Variants in ACSS1 observed in about 807,000 individuals in gnomAD.
ACSS1 encodes acetyl-coenzyme A synthetase 2-like, mitochondrial.
A neutral mutation model predicts 75.3 loss-of-function variants in ACSS1; 42 were observed. The ratio of observed to expected loss-of-function variants is 0.56; its 90% confidence interval spans 0.44 to 0.72. The LOEUF (loss-of-function observed/expected upper bound fraction) is 0.72, where lower values mean the gene tolerates loss of function less well. Ranked by LOEUF, ACSS1 falls within the 30% of genes least tolerant of loss-of-function variation. The probability of loss-of-function intolerance (pLI) is 0.00; values close to 1 mark genes in which losing one functional copy is unlikely to be tolerated. For missense variants in ACSS1, 782 were observed against 935.7 expected, an observed-to-expected ratio of 0.84 and a Z score of 2.14; for synonymous variants, 380 against 376.8, an observed-to-expected ratio of 1.01 and a Z score of -0.10.
intron 8 of ACSS1, among the ~76,000 whole-genome samples, chr20:25,014,617 G>A (rs997676117): frequency 6.6e-6 from 1 of 152,152 alleles, no homozygotes; most frequent in African/African-American, 2.4e-5. Context: ...ATCTATGGTG[G>A]TCTCTCGCCC....
rs1010248669 is a variant in ACSS1 at position 25,019,914 on chromosome 20, C to T, written c.1246+96G>A. On this transcript the variant is annotated intron_variant, in intron 7 of 13. Coordinates refer to ENST00000323482, the MANE Select transcript of ACSS1 (RefSeq NM_032501.4). ...TTGCGTGAATTCACACATACAAAGC[C>T]GGGCAGCTTCATGACTGAAGTCCTG... The T allele has an allele frequency of 2.2e-5, 34 of 1,549,378 alleles. 1 individual carries two copies. The highest frequency in any genetic ancestry group is 1.5e-4 in the African/African-American group (11 of 73,648).
chr20:25,020,623 C>T (rs1355533203), intron 6 of ACSS1, among the ~76,000 whole-genome samples: 1 of 152,256 alleles, frequency 6.6e-6, no homozygotes, highest in African/African-American at 2.4e-5. Flanking sequence ...CCCACACCAT[C>T]CCCTCCACAT....
In ACSS1 at chr20:25,013,680, G is replaced by T. The variant is rs559882451; in HGVS notation, c.1453-18C>A. On this transcript the variant is annotated intron_variant, in intron 9 of 13. Transcript: ENST00000323482. ...ACGCTGCCCTGTAGACCCCGGACATGCAAGTGAGACAGGGCAGGCTCTGGG... is the reference window on the plus strand; with the variant it reads ...ACGCTGCCCTGTAGACCCCGGACATTCAAGTGAGACAGGGCAGGCTCTGGG... The T allele has an allele frequency of 1.9e-6, 3 of 1,583,422 alleles. No individual in the cohort carries two copies. The highest frequency in any genetic ancestry group is 2.7e-5 in the African/African-American group (2 of 74,402).
chr20:25,014,530 G>A (rs2088481646), intron 8 of ACSS1, among the ~76,000 whole-genome samples: 1 of 152,166 alleles, frequency 6.6e-6, no homozygotes. Flanking sequence ...AGGTTTTCCT[G>A]AATGGATGGG....
chr20:25,006,724 G>T lies in ACSS1; in HGVS notation c.*1038C>A. The T allele has an allele frequency of 8.1e-7, 1 of 1,228,938 alleles. No individual in the cohort carries two copies. The highest frequency in any genetic ancestry group is 1.1e-6 in the Non-Finnish European group (1 of 900,584). 76.1% of individuals were successfully genotyped at this position (1,228,938 alleles called of 1,614,324 possible). ...TTCCATTATCTTGCTAATGTTGACA[G>T]CACCTAAGTCACATTAAAACAAAGA... On this transcript the variant is annotated 3_prime_UTR_variant, in exon 14 of 14. Coordinates refer to ENST00000323482, the MANE Select transcript of ACSS1 (RefSeq NM_032501.4).
intron 3 of ACSS1, among the ~76,000 whole-genome samples, chr20:25,029,041 T>C (rs2088778346): frequency 6.6e-6 from 1 of 152,140 alleles, no homozygotes; most frequent in Non-Finnish European, 1.5e-5. Context: ...TTAGACTCCA[T>C]TAAAATTTAA....
chr20:25,056,740 G>T (rs996428146), intron 1 of ACSS1, among the ~76,000 whole-genome samples: 17 of 152,144 alleles, frequency 1.1e-4, no homozygotes, highest in Admixed American at 7.9e-4. Flanking sequence ...ATAAAGACCC[G>T]CAGGTCCTTT....
rs777950673 is a variant in ACSS1, at chr20:25,021,538, T to C, written c.961-2A>G. The C allele has an allele frequency of 6.2e-7, 1 of 1,613,490 alleles. No homozygotes were observed. Among genetic ancestry groups the C allele is most frequent in the Non-Finnish European group, 8.5e-7 (1 of 1,179,670 alleles). ...ACCTGGCTGGTGGTCAAACACAAGC[T>C]GCAGAGACAGGAAAGGAGCATCAGG... On this transcript the variant is annotated splice_acceptor_variant, in intron 5 of 13. Coordinates refer to ENST00000323482, the MANE Select transcript of ACSS1 (RefSeq NM_032501.4). LOFTEE classifies it high-confidence loss of function.
chr20:25,006,575 CTG>C lies in ACSS1; in HGVS notation c.*1185_*1186del, dbSNP rs1443974408. On this transcript the variant is annotated 3_prime_UTR_variant, in exon 14 of 14. Coordinates refer to ENST00000323482, the MANE Select transcript of ACSS1 (RefSeq NM_032501.4). Reference sequence around the variant, plus strand: ...CTGCCACAAGGCCCTGAAGGGTAGACTGTGGGGCAAAGAGGACAAACTCTCCC... The same window carrying C: ...CTGCCACAAGGCCCTGAAGGGTAGACTGGGGCAAAGAGGACAAACTCTCCC... The C allele has an allele frequency of 2.4e-6, 1 of 418,202 alleles. No homozygotes were observed. Among genetic ancestry groups the C allele is most frequent in the Middle Eastern group, 6.9e-4 (1 of 1,456 alleles). 25.9% of individuals were successfully genotyped at this position (418,202 alleles called of 1,614,324 possible). A position where few individuals can be genotyped will look rare whatever the true frequency, so the allele number is the denominator to read the frequency against.
At chr20:25,030,058 A>G (rs1225617239) in intron 3 of ACSS1, among the ~76,000 whole-genome samples, 1 of 152,168 alleles carries the variant, frequency 6.6e-6, no homozygotes, top group Non-Finnish European at 1.5e-5. Flanking sequence ...TTTTATACAG[A>G]GGGAGGTCAA....
intron 2 of ACSS1, among the ~76,000 whole-genome samples, chr20:25,037,258 C>T (rs111988063): frequency 1.3e-5 from 2 of 152,090 alleles, no homozygotes; most frequent in Non-Finnish European, 2.9e-5. Flanking sequence ...AGCAAATGGG[C>T]GCAGCAGGTG....
chr20:25,013,568 C>A lies in ACSS1; in HGVS notation c.1547G>T (p.Arg516Leu), dbSNP rs747031189. Residue 516 changes from arginine to leucine, a missense_variant, in exon 10 of 14, where the codon CGA (arginine) becomes CTA (leucine). By Grantham distance (102) the Arg-to-Leu change is moderately radical. This residue lies in a region of ACSS1 where 405 missense variants were observed against 552.6 expected (regional missense o/e 0.73). Transcript: ENST00000323482. ...GGCCTTGAAGTAGGCGTCCACAAAT[C>A]GCTGGTGGTCGCCATAGATGGTCCT... is the stretch of plus-strand genomic sequence containing the variant. ...MARTIYGDHQ[R>L]FVDAYFKAYP... is the part of the protein sequence containing the mutation. The A allele has an allele frequency of 5.6e-6, 9 of 1,606,636 alleles. No individual in the cohort carries two copies. In the Admixed American group the frequency reaches 1.5e-4, roughly 27 times the overall value.
At chr20:25,042,617 T>G (rs1296659011) in intron 2 of ACSS1, among the ~76,000 whole-genome samples, 1 of 151,990 alleles carries the variant, frequency 6.6e-6, no homozygotes, top group South Asian at 2.1e-4. Context: ...GTAATTAACT[T>G]GGGAGGTGAG....
intron 3 of ACSS1, among the ~76,000 whole-genome samples, 191 bp from the exon 4 acceptor site, chr20:25,023,832 T>C (rs1328401929): frequency 6.6e-6 from 1 of 152,116 alleles, no homozygotes; most frequent in African/African-American, 2.4e-5. Flanking sequence ...GCACCAGGCC[T>C]TTGTCCAGTT....
At chr20:25,017,158 T>A (rs962881526) in intron 7 of ACSS1, among the ~76,000 whole-genome samples, 1 of 152,096 alleles carries the variant, frequency 6.6e-6, no homozygotes, top group African/African-American at 2.4e-5. Flanking sequence ...CACGCCCAGC[T>A]CCTAAGGACA....
At chr20:25,017,931 C>T (rs1047624115) in intron 7 of ACSS1, among the ~76,000 whole-genome samples, 4 of 152,178 alleles carry the variant, frequency 2.6e-5, no homozygotes, top group Non-Finnish European at 4.4e-5. Context: ...AGGATCTGGG[C>T]GAGTTTCTAT....
chr20:25,017,259 G>T (rs1218256190), intron 7 of ACSS1, among the ~76,000 whole-genome samples: 2 of 152,228 alleles, frequency 1.3e-5, no homozygotes, highest in Non-Finnish European at 2.9e-5. Flanking sequence ...AAAGCTTTGA[G>T]AAATACAAAT....
Position 25,007,881 on chromosome 20 carries a change from T to A in ACSS1, c.1951A>T (p.Ile651Phe). 6.2e-7 allele frequency: 1 copy of A among 1,614,212 alleles called. No individual in the cohort carries two copies. Among genetic ancestry groups the A allele is most frequent in the Non-Finnish European group, 8.5e-7 (1 of 1,180,030 alleles). ...AGCTCCTGGGCCTCACTAGTGATGA[T>A]CTTCCTCAGGAGCCGCCGCATGACC... ...GKVMRRLLRK[I>F]ITSEAQELGD... Residue 651 changes from isoleucine to phenylalanine, a missense_variant, in exon 14 of 14, where the codon ATC (isoleucine) becomes TTC (phenylalanine). By Grantham distance (21) the Ile-to-Phe change is conservative (BLOSUM62 0). This residue lies in a region of ACSS1 where 405 missense variants were observed against 552.6 expected (regional missense o/e 0.73). Transcript: ENST00000323482.
rs374524367 is a variant in ACSS1 at position 25,014,054 on chromosome 20, G to A, written c.1359C>T (p.Ile453=). The A allele has an allele frequency of 2.4e-5, 39 of 1,610,722 alleles. No individual in the cohort carries two copies. The highest frequency in any genetic ancestry group is 3.3e-4 in the Middle Eastern group (2 of 6,082). ...CCCCTTCTTCCGAGGGCCGTGGTGCGATGCAGATGCCACCTGTTTCTGCAG... is the reference window on the plus strand; with the variant it reads ...CCCCTTCTTCCGAGGGCCGTGGTGCAATGCAGATGCCACCTGTTTCTGCAG... ...WWQTETGGIC[I]APRPSEEGAE... Residue 453 remains isoleucine, a synonymous_variant, in exon 9 of 14, where the codon ATC becomes ATT. Transcript: ENST00000323482.
Sources: allele counts gnomAD v4.1 joint callset (sites outside exome capture counted in the v4.1 genomes callset), GRCh38; gene constraint gnomAD v4.1.1; regional missense constraint gnomAD v4.1.1; transcripts MANE v1.5; gene names NCBI Gene and HGNC (gene_info 2026-07-23, HGNC 2026-07-21).